Variants in METTL8 observed in about 807,000 individuals in gnomAD.
METTL8 encodes methyltransferase 8, tRNA N3-cytidine.
In METTL8, 32 loss-of-function variants were observed where a neutral mutation model predicts 48.7. The observed-to-expected ratio is 0.66, with a 90% CI of 0.50 to 0.88. The LOEUF (loss-of-function observed/expected upper bound fraction) is 0.88, where lower values mean the gene tolerates loss of function less well. METTL8 is among the 40% of genes least tolerant of loss of function. The probability of loss-of-function intolerance (pLI) is 0.00; values close to 1 mark genes in which losing one functional copy is unlikely to be tolerated. For missense variants in METTL8, 464 were observed against 474.4 expected (o/e 0.98, Z 0.20); for synonymous variants, 136 against 157.1 (o/e 0.87, Z 1.01).
At chr2:171,378,486 G>C (rs1338338384) in intron 2 of METTL8, among the ~76,000 whole-genome samples, 2 of 152,046 alleles carry the variant, frequency 1.3e-5, no homozygotes, top group African/African-American at 2.4e-5. Flanking sequence ...ACAAAAATTA[G>C]CTGGGTGTGG....
chr2:171,377,772 T>C (rs1319566324), intron 2 of METTL8, among the ~76,000 whole-genome samples: 1 of 152,234 alleles, frequency 6.6e-6, no homozygotes, highest in Non-Finnish European at 1.5e-5. Flanking sequence ...ACTTTTACAC[T>C]GCTGGTGGGA....
intron 1 of METTL8, among the ~76,000 whole-genome samples, chr2:171,414,349 G>A (rs1383162970): frequency 8.6e-5 from 13 of 151,694 alleles, no homozygotes; most frequent in Non-Finnish European, 1.3e-4. Flanking sequence ...CCCGGGAGGC[G>A]GAGGATGCGG....
At chr2:171,374,163 C>T (rs547772763) in intron 2 of METTL8, among the ~76,000 whole-genome samples, 5 of 151,902 alleles carry the variant, frequency 3.3e-5, no homozygotes, top group South Asian at 2.1e-4. Flanking sequence ...AGAGGTCCTT[C>T]GCATCCCTTG....
At chr2:171,392,021 C>A (rs1258194264) in intron 2 of METTL8, 22 bp downstream of exon 2, 1 of 1,540,398 alleles carries the variant, frequency 6.5e-7, no homozygotes, top group South Asian at 1.2e-5. Flanking sequence ...CACATAATAT[C>A]AGATTTAAAA....
intron 1 of METTL8, among the ~76,000 whole-genome samples, chr2:171,401,576 A>C (rs1309935262): frequency 2.6e-5 from 4 of 152,118 alleles, no homozygotes; most frequent in Non-Finnish European, 5.9e-5. Flanking sequence ...ACTCACTCAC[A>C]CAAAAAGAGG....
chr2:171,329,561 A>C (rs1216136086), intron 7 of METTL8, among the ~76,000 whole-genome samples: 1 of 152,234 alleles, frequency 6.6e-6, no homozygotes, highest in Non-Finnish European at 1.5e-5. Flanking sequence ...AACTGGGAGG[A>C]AACAGTAGCT....
intron 3 of METTL8, among the ~76,000 whole-genome samples, chr2:171,353,165 T>A (rs983090273): frequency 2.2e-4 from 34 of 152,348 alleles, no homozygotes; most frequent in Middle Eastern, 3.4e-3. Flanking sequence ...TCTGGTATGT[T>A]GTATCTTTGT....
At chr2:171,383,005 C>T (rs1461311958) in intron 2 of METTL8, among the ~76,000 whole-genome samples, 2 of 151,920 alleles carry the variant, frequency 1.3e-5, no homozygotes, top group Non-Finnish European at 2.9e-5. Context: ...ACCTGAGAGG[C>T]GGAGTTTGCA....
upstream of METTL8, chr2:171,434,099 GCA>G (rs1693539962): frequency 3.0e-6 from 1 of 335,162 alleles, no homozygotes; most frequent in Non-Finnish European, 5.9e-6. Flanking sequence ...GCCACTCGCA[GCA>G]CAGAGAAGCG....
intron 1 of METTL8, among the ~76,000 whole-genome samples, chr2:171,427,385 A>G (rs1272468815): frequency 6.6e-6 from 1 of 152,208 alleles, no homozygotes; most frequent in African/African-American, 2.4e-5. Context: ...AAAATAGATC[A>G]TATCACTCCC....
At chr2:171,387,115 T>TGG (rs1688131758) in intron 2 of METTL8, among the ~76,000 whole-genome samples, 1 of 26,338 alleles carries the variant, frequency 3.8e-5, no homozygotes, top group South Asian at 2.3e-3. Flanking sequence ...GCAAGAACCC[T>TGG]GGGATACAGA....
In METTL8 at chr2:171,323,932, G is replaced by T. The variant is rs1340643219; in HGVS notation, c.*240C>A. The stretch of plus-strand genomic sequence containing the variant: ...TAAAAATCAAGGAACAAGCAAAATG[G>T]TTAGATGTAATAAATTCAAACAAGC... On this transcript the variant is annotated 3_prime_UTR_variant, in exon 10 of 10. Coordinates refer to ENST00000375258, the MANE Select transcript of METTL8 (RefSeq NM_001321154.2). The T allele has an allele frequency of 5.5e-6, 2 of 366,930 alleles. No individual in the cohort carries two copies. The highest frequency in any genetic ancestry group is 9.7e-6 in the Non-Finnish European group (2 of 207,034). The allele number at this position is 366,930 out of a possible 1,614,324, so 22.7% of individuals were successfully genotyped here. A position where few individuals can be genotyped will look rare whatever the true frequency, so the allele number is the denominator to read the frequency against.
At chr2:171,374,780 C>G (rs995754111) in intron 2 of METTL8, among the ~76,000 whole-genome samples, 2 of 151,958 alleles carry the variant, frequency 1.3e-5, no homozygotes, top group Non-Finnish European at 2.9e-5. Flanking sequence ...TAACTTCTTT[C>G]ACTCAGCATA....
chr2:171,362,840 AC>A (rs1685305126), intron 2 of METTL8, among the ~76,000 whole-genome samples: 1 of 152,140 alleles, frequency 6.6e-6, no homozygotes, highest in Non-Finnish European at 1.5e-5. Context: ...TGGCAACTAC[AC>A]TTTAAATTCT....
At chr2:171,382,802 G>C (rs899746863) in intron 2 of METTL8, among the ~76,000 whole-genome samples, 5 of 152,138 alleles carry the variant, frequency 3.3e-5, no homozygotes, top group African/African-American at 1.2e-4. Flanking sequence ...GCCAGACGCG[G>C]TGGCTCACGC....
intron 5 of METTL8, among the ~76,000 whole-genome samples, chr2:171,333,558 A>G (rs1685768465): frequency 6.6e-6 from 1 of 152,228 alleles, no homozygotes; most frequent in Admixed American, 6.5e-5. Context: ...CCAGTACTGA[A>G]TCAAAGTTAA....
chr2:171,327,994 A>G (rs1033511365), intron 7 of METTL8, among the ~76,000 whole-genome samples: 1 of 152,198 alleles, frequency 6.6e-6, no homozygotes, highest in South Asian at 2.1e-4. Context: ...CCTCTCAGCT[A>G]TCCTTTAATG....
intron 1 of METTL8, among the ~76,000 whole-genome samples, chr2:171,411,229 A>T (rs113892286): frequency 5.0e-4 from 76 of 152,372 alleles, no homozygotes; most frequent in African/African-American, 1.8e-3. Flanking sequence ...TCACCAAATC[A>T]TCTATAAAAT....
chr2:171,345,143 C>T (rs1041219574), intron 3 of METTL8, among the ~76,000 whole-genome samples: 2 of 152,044 alleles, frequency 1.3e-5, no homozygotes, highest in African/African-American at 2.4e-5. Context: ...AGGGATGTAG[C>T]GATCTGTTTA....
Sources: gnomAD v4.1 joint callset for allele counts (sites outside exome capture counted in the v4.1 genomes callset) on GRCh38, gnomAD v4.1.1 for gene constraint, MANE v1.5 for transcripts, NCBI Gene and HGNC (gene_info 2026-07-23, HGNC 2026-07-21) for gene names.